The following ST8SIA6 variants were observed in gnomAD, a reference collection of about 807,000 sequenced individuals.
ST8SIA6 encodes the protein ST8 alpha-N-acetyl-neuraminide alpha-2,8-sialyltransferase 6.
Under a neutral mutation model 33.6 loss-of-function variants are expected in ST8SIA6, and 39 were observed. The ratio of observed to expected loss-of-function variants is 1.16; its 90% CI spans 0.90 to 1.52. The LOEUF (loss-of-function observed/expected upper bound fraction) is 1.52, where lower values mean the gene tolerates loss of function less well. Among genes scored for constraint, ST8SIA6 ranks in the 40% most tolerant of loss-of-function variants. The probability of loss-of-function intolerance (pLI) is 0.00; values close to 1 mark genes in which losing one functional copy is unlikely to be tolerated. For missense variants in ST8SIA6, 441 were observed against 443.8 expected (o/e 0.99, Z 0.06); for synonymous variants, 172 against 167.2 (o/e 1.03, Z -0.22).
At chr10:17,412,253 G>C (rs985059302) in intron 2 of ST8SIA6, among the ~76,000 whole-genome samples, 12 of 151,860 alleles carry the variant, frequency 7.9e-5, no homozygotes, top group Middle Eastern at 3.2e-3. Context: ...CTCATCCCAG[G>C]CCCTCCAACC....
chr10:17,370,081 C>T (rs1296588599), intron 3 of ST8SIA6, among the ~76,000 whole-genome samples: 6 of 151,610 alleles, frequency 4.0e-5, no homozygotes, highest in Non-Finnish European at 5.9e-5. Context: ...CCTGGGTTCA[C>T]GCCATTCTTC....
At chr10:17,384,463 T>A (rs964253917) in intron 3 of ST8SIA6, among the ~76,000 whole-genome samples, 2 of 152,240 alleles carry the variant, frequency 1.3e-5, no homozygotes, top group African/African-American at 2.4e-5. Context: ...AGTGCTACCA[T>A]GATTTGTCTT....
Position 17,343,826 on chromosome 10 carries a change from A to G in ST8SIA6, c.378-12274T>C, listed in dbSNP as rs80332369. Among the ~76,000 whole-genome samples, 1,152 of 152,352 alleles carry G rather than the reference A, an allele frequency of 7.6e-3. 14 individuals are homozygous for G. Among genetic ancestry groups the G allele is most frequent in the African/African-American group, 0.026 (1,079 of 41,568 alleles). Reference sequence around the variant, plus strand: ...GCCAGACAGTGGCTCAGATAGGAGCATAAAAAGGGAAACGTATTTGAAGCT... The same window carrying G: ...GCCAGACAGTGGCTCAGATAGGAGCGTAAAAAGGGAAACGTATTTGAAGCT... On this transcript the variant is annotated intron_variant, in intron 4 of 7. Coordinates refer to ENST00000377602, the MANE Select transcript of ST8SIA6 (RefSeq NM_001004470.3).
At chr10:17,361,920 T>G (rs564902307) in intron 3 of ST8SIA6, among the ~76,000 whole-genome samples, 26 of 152,194 alleles carry the variant, frequency 1.7e-4, no homozygotes, top group African/African-American at 6.0e-4. Context: ...GCACAAATAA[T>G]AATCTCAGCA....
At position 17,454,580 on chromosome 10, in the gene ST8SIA6, C is replaced by G. The variant is rs1265927723; in HGVS notation, c.-325G>C. ...CGGAGCTGCTGCGGGCTCCGGTCGCCGCTGCCACTGCTGCTGCCGCCGCCG... is the reference window on the plus strand; with the variant it reads ...CGGAGCTGCTGCGGGCTCCGGTCGCGGCTGCCACTGCTGCTGCCGCCGCCG... On this transcript the variant is annotated 5_prime_UTR_variant, in exon 1 of 8. Coordinates refer to ENST00000377602, the MANE Select transcript of ST8SIA6 (RefSeq NM_001004470.3). The surrounding 1 kb of genome is among the most constrained non-coding windows in gnomAD (Gnocchi z 4.1). Among the ~76,000 whole-genome samples the G allele has an allele frequency of 6.6e-6, 1 of 151,866 alleles. No individual in the cohort carries two copies. Among genetic ancestry groups the G allele is most frequent in the Non-Finnish European group, 1.5e-5 (1 of 67,916 alleles).
chr10:17,414,869 A>C (rs1204153430), intron 2 of ST8SIA6, among the ~76,000 whole-genome samples: 1 of 152,192 alleles, frequency 6.6e-6, no homozygotes, highest in African/African-American at 2.4e-5. Flanking sequence ...TCAGTCCTTC[A>C]GAGTGCCTGT....
chr10:17,326,892 A>G (rs1848147714), intron 6 of ST8SIA6, 122 bp downstream of exon 6: 1 of 633,534 alleles, frequency 1.6e-6, no homozygotes, highest in Non-Finnish European at 2.4e-6. Flanking sequence ...TTCCCGGGTA[A>G]TTTGTAGACT....
intron 3 of ST8SIA6, among the ~76,000 whole-genome samples, chr10:17,376,452 G>A (rs901056569): frequency 6.6e-6 from 1 of 152,008 alleles, no homozygotes; most frequent in African/African-American, 2.4e-5. Flanking sequence ...CCATTTTCTT[G>A]GGAGCCAGGA....
At chr10:17,353,977 G>A (rs1849112304) in intron 4 of ST8SIA6, among the ~76,000 whole-genome samples, 1 of 152,170 alleles carries the variant, frequency 6.6e-6, no homozygotes, top group Non-Finnish European at 1.5e-5. Context: ...GACTGTTACT[G>A]TGTACCTATT....
At chr10:17,420,619 C>T (rs1851752461) in intron 2 of ST8SIA6, among the ~76,000 whole-genome samples, 1 of 152,126 alleles carries the variant, frequency 6.6e-6, no homozygotes. Context: ...AATGCTGTGG[C>T]ATGCCACCCA....
At chr10:17,437,931 A>G (rs1852340201) in intron 2 of ST8SIA6, among the ~76,000 whole-genome samples, 2 of 151,738 alleles carry the variant, frequency 1.3e-5, no homozygotes, top group Non-Finnish European at 2.9e-5. Context: ...GGGTTTCACC[A>G]TATTGGCCAG....
intron 7 of ST8SIA6, among the ~76,000 whole-genome samples, chr10:17,322,340 G>A (rs923252074): frequency 3.9e-5 from 6 of 152,238 alleles, no homozygotes; most frequent in South Asian, 2.1e-4. Flanking sequence ...ATAGATATAC[G>A]TATAGGTTAT....
intron 3 of ST8SIA6, among the ~76,000 whole-genome samples, chr10:17,383,775 T>A (rs1298523143): frequency 1.3e-5 from 2 of 152,222 alleles, no homozygotes; most frequent in Non-Finnish European, 2.9e-5. Context: ...AACACAGGAA[T>A]TAACTGCATG....
In ST8SIA6 at chr10:17,340,383, G is replaced by A. The variant is rs1397332328; in HGVS notation, c.378-8831C>T. On this transcript the variant is annotated intron_variant, in intron 4 of 7. Coordinates refer to ENST00000377602, the MANE Select transcript of ST8SIA6 (RefSeq NM_001004470.3). ...TCTGACCTGTGTCACCTTTAGTCAC[G>A]TGTTCCGTAACTGTCTTTCCTGCCA... is the stretch of plus-strand genomic sequence containing the variant. 4.6e-5 allele frequency among the ~76,000 whole-genome samples: 7 copies of A among 151,922 alleles called. 1 individual carries two copies. The highest frequency in any genetic ancestry group is 1.2e-4 in the African/African-American group (5 of 41,404).
chr10:17,346,227 CAT>C (rs1309032154), intron 4 of ST8SIA6, among the ~76,000 whole-genome samples: 2 of 152,204 alleles, frequency 1.3e-5, no homozygotes, highest in African/African-American at 2.4e-5. Flanking sequence ...ACTTAACTGA[CAT>C]GTGAGCGTCA....
chr10:17,428,563 G>C (rs976497261), intron 2 of ST8SIA6, among the ~76,000 whole-genome samples: 4 of 152,042 alleles, frequency 2.6e-5, no homozygotes, highest in African/African-American at 9.7e-5. Flanking sequence ...AGGAGAGGCC[G>C]TTGGAAGGGC....
chr10:17,342,263 C>T (rs1013046349), intron 4 of ST8SIA6, among the ~76,000 whole-genome samples: 4 of 152,104 alleles, frequency 2.6e-5, no homozygotes, highest in African/African-American at 9.7e-5. Context: ...TGGGAGCTTA[C>T]GTGTATTAAG....
At chr10:17,364,169 G>T (rs992157726) in intron 3 of ST8SIA6, among the ~76,000 whole-genome samples, 2 of 152,202 alleles carry the variant, frequency 1.3e-5, no homozygotes, top group Non-Finnish European at 2.9e-5. Flanking sequence ...CATTAAAATT[G>T]CCATCCATGG....
chr10:17,405,792 G>T (rs762450708), intron 2 of ST8SIA6, among the ~76,000 whole-genome samples: 2 of 149,250 alleles, frequency 1.3e-5, no homozygotes, highest in Non-Finnish European at 3.0e-5. Context: ...TGAGGCAGGA[G>T]AATTACTTGA....
Sources: allele counts gnomAD v4.1 joint callset (sites outside exome capture counted in the v4.1 genomes callset), GRCh38; gene constraint gnomAD v4.1.1; non-coding constraint Gnocchi (gnomAD v3.1); transcripts MANE v1.5; gene names NCBI Gene and HGNC (gene_info 2026-07-23, HGNC 2026-07-21).